The following PACRG variants were observed in gnomAD, a reference collection of about 807,000 sequenced individuals.
PACRG encodes parkin coregulated.
A neutral mutation model predicts 29.7 loss-of-function variants in PACRG; 29 were observed. The ratio of observed to expected loss-of-function variants is 0.98; its 90% confidence interval spans 0.73 to 1.33. The LOEUF is 1.33. Among genes scored for constraint, PACRG ranks in the 40% most tolerant of loss-of-function variants. The pLI, the probability that PACRG is intolerant of heterozygous loss-of-function variation, is 0.00. For synonymous variants in PACRG, 116 were observed against 118.7 expected, an observed-to-expected ratio of 0.98 and a Z score of 0.15; for missense variants, 279 against 316.2, an observed-to-expected ratio of 0.88 and a Z score of 0.89.
chr6:162,906,674 A>G (rs1795955104), intron 2 of PACRG, among the ~76,000 whole-genome samples: 1 of 152,184 alleles, frequency 6.6e-6, no homozygotes, highest in Admixed American at 6.5e-5. Flanking sequence ...GTACATCAAT[A>G]CTACAGGCAT....
chr6:163,215,493 G>A lies in PACRG; in HGVS notation c.614-99334G>A, dbSNP rs141333163. Among the ~76,000 whole-genome samples, 22 of 152,248 alleles carry A rather than the reference G, an allele frequency of 1.4e-4. No homozygotes were observed. In the East Asian group the frequency reaches 4.1e-3, roughly 28 times the overall value. On this transcript the variant is annotated intron_variant, in intron 4 of 4. Transcript: ENST00000366888. ...TTGATCCTGATATCATTAATCTAAT[G>A]CCAAATTTAGAAAGAGGATGTTTTA...
intron 4 of PACRG, chr6:163,100,622 G>A (rs1326759988): frequency 1.0e-5 from 3 of 289,894 alleles, no homozygotes; most frequent in Non-Finnish European, 1.5e-5. Context: ...CCAGGTCGAG[G>A]GACCCTCGTG....
intron 4 of PACRG, among the ~76,000 whole-genome samples, chr6:163,194,832 A>T (rs1780374005): frequency 6.6e-6 from 1 of 151,566 alleles, no homozygotes; most frequent in African/African-American, 2.4e-5. Context: ...CCCCAACCCC[A>T]CGCCTGCTGT....
At chr6:162,792,634 A>G (rs542942279) in intron 1 of PACRG, among the ~76,000 whole-genome samples, 1 of 152,352 alleles carries the variant, frequency 6.6e-6, no homozygotes, top group East Asian at 1.9e-4. Flanking sequence ...TCCCAGTGTT[A>G]TAAAATGGAT....
At chr6:163,200,539 A>G (rs1317933301) in intron 4 of PACRG, among the ~76,000 whole-genome samples, 1 of 152,136 alleles carries the variant, frequency 6.6e-6, no homozygotes, top group Admixed American at 6.5e-5. Context: ...CAAACAACGC[A>G]CAGCCATGAG....
intron 2 of PACRG, among the ~76,000 whole-genome samples, chr6:162,933,601 C>CTTTTTTTTTTTTTTTTTTTTTTTTTTAAT (rs71008119): frequency 1.3e-5 from 1 of 74,612 alleles, no homozygotes; most frequent in Non-Finnish European, 2.4e-5. Flanking sequence ...CTTTCTGTAT[C>CTTTTTTTTTTTTTTTTTTTTTTTTTTAAT]TTTTTTTTTT....
intron 2 of PACRG, among the ~76,000 whole-genome samples, chr6:163,010,972 C>T (rs532289716): frequency 2.6e-5 from 4 of 152,290 alleles, no homozygotes; most frequent in Middle Eastern, 3.4e-3. Context: ...GTGAGATGTG[C>T]GGCCCAGAGG....
At chr6:163,085,715 T>C (rs769719595) in intron 3 of PACRG, among the ~76,000 whole-genome samples, 39 of 152,214 alleles carry the variant, frequency 2.6e-4, no homozygotes, top group Admixed American at 2.0e-4. Context: ...AGCCCTGGGG[T>C]TTGTTCCCAC....
At chr6:162,819,363 T>C (rs896538613) in intron 2 of PACRG, among the ~76,000 whole-genome samples, 2 of 152,204 alleles carry the variant, frequency 1.3e-5, no homozygotes, top group African/African-American at 2.4e-5. Context: ...GACTTATTAA[T>C]CAGGTAACTA....
chr6:163,196,340 T>G (rs1011638972), intron 4 of PACRG, among the ~76,000 whole-genome samples: 13 of 152,190 alleles, frequency 8.5e-5, no homozygotes, highest in African/African-American at 3.1e-4. Flanking sequence ...TAAAGTGACC[T>G]TTCACTCTTT....
At chr6:162,810,773 G>C (rs1786792513) in intron 1 of PACRG, among the ~76,000 whole-genome samples, 1 of 152,072 alleles carries the variant, frequency 6.6e-6, no homozygotes, top group African/African-American at 2.4e-5. Context: ...GCTGGAAAAA[G>C]AAAAAGTTTC....
chr6:162,932,799 A>G (rs1194731123), intron 2 of PACRG, among the ~76,000 whole-genome samples: 1 of 151,648 alleles, frequency 6.6e-6, no homozygotes, highest in Non-Finnish European at 1.5e-5. Flanking sequence ...AGGTTTGCCA[A>G]TTTTGCTTAT....
chr6:163,181,366 G>T (rs1021241596), intron 4 of PACRG, among the ~76,000 whole-genome samples: 2 of 152,272 alleles, frequency 1.3e-5, no homozygotes, highest in African/African-American at 4.8e-5. Flanking sequence ...GCCGCTTGGG[G>T]ACAGCAGAGG....
chr6:163,202,945 G>A (rs1122682), intron 4 of PACRG, among the ~76,000 whole-genome samples: 39,821 of 151,878 alleles, frequency 0.26, 5,520 homozygotes, highest in East Asian at 0.44. Flanking sequence ...TGTGGAGTGC[G>A]TTCTCCAAAA....
chr6:162,828,198 T>C (rs1562638900), intron 2 of PACRG, among the ~76,000 whole-genome samples: 1 of 152,232 alleles, frequency 6.6e-6, no homozygotes, highest in Non-Finnish European at 1.5e-5. Flanking sequence ...AAATTTTCTT[T>C]ACAGGTCCCA....
intron 4 of PACRG, among the ~76,000 whole-genome samples, chr6:163,280,453 G>A (rs1353343984): frequency 6.6e-6 from 1 of 152,132 alleles, no homozygotes; most frequent in African/African-American, 2.4e-5. Context: ...GCAGTGTGGT[G>A]AACAAAGGCA....
chr6:163,180,975 G>T (rs912832769), intron 4 of PACRG, among the ~76,000 whole-genome samples: 1 of 152,216 alleles, frequency 6.6e-6, no homozygotes, highest in Non-Finnish European at 1.5e-5. Flanking sequence ...GAGTCACTCA[G>T]ATTGCAAATG....
At chr6:162,914,256 T>A (rs1416980906) in intron 2 of PACRG, among the ~76,000 whole-genome samples, 1 of 152,148 alleles carries the variant, frequency 6.6e-6, no homozygotes, top group African/African-American at 2.4e-5. Context: ...ATAAATTGTC[T>A]ATTTTTTTCC....
intron 4 of PACRG, among the ~76,000 whole-genome samples, chr6:163,312,111 G>A (rs567170725): frequency 6.6e-6 from 1 of 152,248 alleles, no homozygotes; most frequent in African/African-American, 2.4e-5. Flanking sequence ...TGCCCTCCAG[G>A]GGTTTATGCA....
Sources: allele counts gnomAD v4.1 joint callset (sites outside exome capture counted in the v4.1 genomes callset), GRCh38; gene constraint gnomAD v4.1.1; transcripts MANE v1.5; gene names NCBI Gene and HGNC (gene_info 2026-07-23, HGNC 2026-07-21).